Variants in LARGE1 observed in about 807,000 individuals in gnomAD.
LARGE1 encodes the protein LARGE xylosyl- and glucuronyltransferase 1.
Under a neutral mutation model 87.6 loss-of-function variants are expected in LARGE1, and 43 were observed. That is an observed-to-expected ratio of 0.49 (90% confidence interval 0.38 to 0.63). LARGE1 has a LOEUF of 0.63. Ranked by LOEUF, LARGE1 falls within the 30% of genes least tolerant of loss-of-function variation. LARGE1 has a pLI of 0.00. For synonymous variants in LARGE1, 434 were observed against 394.6 expected (o/e 1.10, Z -1.18); for missense variants, 802 against 1,000.2 (o/e 0.80, Z 2.67).
chr22:33,087,072 T>A, the LARGE1 span, among the ~76,000 whole-genome samples: 1 of 152,184 alleles, frequency 6.6e-6, no homozygotes, highest in African/African-American at 2.4e-5. Flanking sequence ...TTCTTTCTTT[T>A]TTTCTTTTCA....
At chr22:33,431,434 T>C (rs764150796) in intron 7 of LARGE1, among the ~76,000 whole-genome samples, 4 of 152,160 alleles carry the variant, frequency 2.6e-5, no homozygotes, top group African/African-American at 9.7e-5. Context: ...TTTAGACACA[T>C]GGTTATAGGT....
intron 6 of LARGE1, among the ~76,000 whole-genome samples, chr22:33,547,075 T>C (rs2077380089): frequency 6.6e-6 from 1 of 152,106 alleles, no homozygotes; most frequent in African/African-American, 2.4e-5. Context: ...TCTTCTAAGA[T>C]GTGGACTGAA....
chr22:33,895,360 T>C (rs1184888373), intron 1 of LARGE1, among the ~76,000 whole-genome samples: 1 of 152,188 alleles, frequency 6.6e-6, no homozygotes, highest in African/African-American at 2.4e-5. Flanking sequence ...ACATATTAGT[T>C]ATCTATTGCT....
Position 33,422,666 on chromosome 22 carries a change from C to T in LARGE1, c.892+9495G>A, listed in dbSNP as rs547289850. Among the ~76,000 whole-genome samples the T allele has an allele frequency of 2.2e-4, 33 of 152,222 alleles. No homozygotes were observed. In the South Asian group the frequency reaches 4.8e-3, roughly 22 times the overall value. The stretch of plus-strand genomic sequence containing the variant: ...TTGGGATCACAGGTGCATGCCACCA[C>T]GCCTGGCTAATTTTTTGTATCTTTA... On this transcript the variant is annotated intron_variant, in intron 7 of 14. Coordinates refer to ENST00000397394, the MANE Select transcript of LARGE1 (RefSeq NM_133642.5).
intron 6 of LARGE1, among the ~76,000 whole-genome samples, chr22:33,517,066 G>C (rs895394833): frequency 1.3e-5 from 2 of 152,188 alleles, no homozygotes; most frequent in Admixed American, 1.3e-4. Flanking sequence ...GAATAATTCA[G>C]AAGAGCTGAT....
chr22:33,435,740 G>A (rs1486440140), intron 6 of LARGE1, among the ~76,000 whole-genome samples: 1 of 152,136 alleles, frequency 6.6e-6, no homozygotes, highest in Non-Finnish European at 1.5e-5. Flanking sequence ...TTATCCCAAA[G>A]AATAATATCC....
At chr22:33,706,513 G>C (rs2082567479) in intron 2 of LARGE1, among the ~76,000 whole-genome samples, 1 of 152,176 alleles carries the variant, frequency 6.6e-6, no homozygotes, top group Admixed American at 6.5e-5. Context: ...AACTCAATGT[G>C]TTACCTGGGG....
At chr22:33,402,076 C>G (rs1488510933) in intron 7 of LARGE1, among the ~76,000 whole-genome samples, 1 of 152,208 alleles carries the variant, frequency 6.6e-6, no homozygotes, top group Non-Finnish European at 1.5e-5. Flanking sequence ...GTCCTTGTAA[C>G]AGCCCCATGA....
chr22:33,102,733 C>T, the LARGE1 span, among the ~76,000 whole-genome samples: 1 of 151,530 alleles, frequency 6.6e-6, no homozygotes, highest in Non-Finnish European at 1.5e-5. Flanking sequence ...TCAGGTGACC[C>T]GTCCGCCTCG....
chr22:33,911,119 C>T (rs932454397), intron 1 of LARGE1, among the ~76,000 whole-genome samples: 3 of 152,170 alleles, frequency 2.0e-5, no homozygotes, highest in African/African-American at 7.2e-5. Context: ...AAAAGAAACA[C>T]TGGAAGAACG....
At chr22:33,737,276 C>T (rs2083688510) in intron 2 of LARGE1, among the ~76,000 whole-genome samples, 1 of 152,180 alleles carries the variant, frequency 6.6e-6, no homozygotes, top group African/African-American at 2.4e-5. Context: ...GCTTTTGTCT[C>T]ATTCACTCAG....
chr22:33,450,531 G>A (rs2067869232), intron 6 of LARGE1, among the ~76,000 whole-genome samples: 1 of 151,768 alleles, frequency 6.6e-6, no homozygotes, highest in South Asian at 2.1e-4. Context: ...GAGAATCGCT[G>A]GAACCCAGCA....
chr22:33,416,030 CT>C (rs1412348324), intron 7 of LARGE1, among the ~76,000 whole-genome samples: 1 of 152,206 alleles, frequency 6.6e-6, no homozygotes, highest in Non-Finnish European at 1.5e-5. Context: ...TGAGCATTTA[CT>C]TTGTGCCAGC....
intron 12 of LARGE1, among the ~76,000 whole-genome samples, chr22:33,301,419 G>T (rs1934124405): frequency 6.6e-6 from 1 of 151,940 alleles, no homozygotes; most frequent in Non-Finnish European, 1.5e-5. Context: ...AACAGCATTT[G>T]AAATGATTTT....
intron 11 of LARGE1, among the ~76,000 whole-genome samples, chr22:33,207,334 C>T (rs951737318): frequency 1.8e-4 from 28 of 152,196 alleles, no homozygotes; most frequent in Non-Finnish European, 2.5e-4. Flanking sequence ...ACTTTTACTT[C>T]GCAGCTACAG....
intron 9 of LARGE1, among the ~76,000 whole-genome samples, chr22:33,376,019 T>A (rs898651353): frequency 6.6e-6 from 1 of 152,238 alleles, no homozygotes. Flanking sequence ...TCTTACTCTA[T>A]TTTTGGAAAA....
At chr22:33,773,230 G>C (rs1371473733) in intron 1 of LARGE1, among the ~76,000 whole-genome samples, 1 of 152,164 alleles carries the variant, frequency 6.6e-6, no homozygotes, top group Admixed American at 6.5e-5. Flanking sequence ...CTGTCAAACT[G>C]GCACTTCCTA....
intron 9 of LARGE1, among the ~76,000 whole-genome samples, chr22:33,368,299 G>A (rs2064670144): frequency 6.6e-6 from 1 of 152,096 alleles, no homozygotes. Flanking sequence ...GGGAGGCCGA[G>A]GTGGGAGGCC....
At chr22:33,865,849 T>C (rs2064084392) in intron 1 of LARGE1, among the ~76,000 whole-genome samples, 1 of 110,972 alleles carries the variant, frequency 9.0e-6, no homozygotes, top group African/African-American at 3.9e-5. Context: ...TTTTTTTTTT[T>C]TTTTTTTTTT....
Sources: allele counts gnomAD v4.1 joint callset (sites outside exome capture counted in the v4.1 genomes callset), GRCh38; gene constraint gnomAD v4.1.1; transcripts MANE v1.5; gene names NCBI Gene and HGNC (gene_info 2026-07-23, HGNC 2026-07-21).